EIF3H: variants seen among roughly 807,000 people sequenced by gnomAD.
The protein encoded by EIF3H is eIF-3-gamma.
In EIF3H, 26 loss-of-function variants were observed where a neutral mutation model predicts 44.2. The observed-to-expected ratio is 0.59, with a 90% confidence interval of 0.43 to 0.82. The LOEUF (loss-of-function observed/expected upper bound fraction) is 0.82, where lower values mean the gene tolerates loss of function less well. Among genes scored for constraint, EIF3H ranks in the 40% least tolerant of loss-of-function variants. The pLI, the probability that EIF3H is intolerant of heterozygous loss-of-function variation, is 0.00. For missense variants in EIF3H, 359 were observed against 432.8 expected (o/e 0.83, Z 1.51); for synonymous variants, 166 against 151.9 (o/e 1.09, Z -0.68).
intron 2 of EIF3H, among the ~76,000 whole-genome samples, chr8:116,667,997 C>A (rs1428594883): frequency 3.3e-5 from 5 of 152,172 alleles, no homozygotes; most frequent in Admixed American, 6.5e-5. Context: ...GTACCACACA[C>A]CATAAAGGTA....
At chr8:116,750,270 T>A (rs951769524) in intron 1 of EIF3H, among the ~76,000 whole-genome samples, 15 of 152,294 alleles carry the variant, frequency 9.8e-5, no homozygotes, top group Admixed American at 6.5e-4. Context: ...GTAAGTCGAT[T>A]AAGTCACATT....
intron 1 of EIF3H, among the ~76,000 whole-genome samples, chr8:116,742,131 T>C (rs1490711059): frequency 6.6e-6 from 1 of 152,172 alleles, no homozygotes; most frequent in Non-Finnish European, 1.5e-5. Flanking sequence ...ATGGGATTAG[T>C]TACAATGCTC....
intron 2 of EIF3H, among the ~76,000 whole-genome samples, chr8:116,684,614 G>GAAA (rs1288884081): frequency 6.6e-6 from 1 of 151,410 alleles, no homozygotes; most frequent in African/African-American, 2.4e-5. Flanking sequence ...TTGATGGGAA[G>GAAA]GAAAAACACA....
chr8:116,675,942 A>G (rs1813839858), intron 2 of EIF3H, among the ~76,000 whole-genome samples: 1 of 152,244 alleles, frequency 6.6e-6, no homozygotes, highest in South Asian at 2.1e-4. Context: ...TATATGAATA[A>G]GATTGTTTCA....
chr8:116,729,366 T>C (rs1216254638), intron 1 of EIF3H, among the ~76,000 whole-genome samples: 2 of 152,184 alleles, frequency 1.3e-5, no homozygotes, highest in Admixed American at 1.3e-4. Flanking sequence ...AATTAATATA[T>C]TTTAAAACAA....
At chr8:116,739,636 C>T (rs577091366) in intron 1 of EIF3H, among the ~76,000 whole-genome samples, 1 of 152,284 alleles carries the variant, frequency 6.6e-6, no homozygotes, top group African/African-American at 2.4e-5. Flanking sequence ...GGCAACAGAG[C>T]GAGACTCCGT....
At chr8:116,723,319 T>A (rs1037501598) in intron 2 of EIF3H, among the ~76,000 whole-genome samples, 1 of 152,198 alleles carries the variant, frequency 6.6e-6, no homozygotes, top group African/African-American at 2.4e-5. Context: ...CATATGTGCA[T>A]GTATAGAGAA....
upstream of EIF3H, among the ~76,000 whole-genome samples, chr8:116,757,237 C>T (rs1815464200): frequency 7.7e-6 from 1 of 129,178 alleles, no homozygotes; most frequent in African/African-American, 2.6e-5. Flanking sequence ...TTCATGTGGG[C>T]CCTCTTTATG....
intron 5 of EIF3H, among the ~76,000 whole-genome samples, chr8:116,651,557 T>C (rs1324556857): frequency 6.6e-6 from 1 of 152,230 alleles, no homozygotes; most frequent in Non-Finnish European, 1.5e-5. Flanking sequence ...AATCCCAGCC[T>C]GGCACTACCT....
rs543605604 is a variant in EIF3H at position 116,655,774 on chromosome 8, G to A, written c.707+82C>T. ...AACGTTCTTAAGTAACTGTTTTCTT[G>A]TTTCACAGGTAAAGTTTATGTGAAA... On this transcript the variant is annotated intron_variant, in intron 5 of 7. Coordinates refer to ENST00000521861, the MANE Select transcript of EIF3H (RefSeq NM_003756.3). The A allele has an allele frequency of 4.0e-5, 57 of 1,408,802 alleles. No individual in the cohort carries two copies. In the African/African-American group the frequency reaches 6.5e-4, roughly 16 times the overall value. The allele number at this position is 1,408,802 out of a possible 1,614,324, so 87.3% of individuals were successfully genotyped here. A position where few individuals can be genotyped will look rare whatever the true frequency, so the allele number is the denominator to read the frequency against.
intron 6 of EIF3H, among the ~76,000 whole-genome samples, chr8:116,647,085 CTTTTCTTTTCTTTTTTTT>C (rs1813313963): frequency 6.6e-6 from 1 of 151,516 alleles, no homozygotes; most frequent in South Asian, 2.1e-4. Flanking sequence ...GGCTTTTTTT[CTTTTCTTTTCTTTTTTTT>C]GACACAGAGT....
intron 2 of EIF3H, among the ~76,000 whole-genome samples, chr8:116,718,752 T>C (rs1338636709): frequency 1.3e-5 from 2 of 151,636 alleles, no homozygotes; most frequent in Non-Finnish European, 2.9e-5. Context: ...GGTTAAGGGT[T>C]GAAAGACTAC....
intron 1 of EIF3H, among the ~76,000 whole-genome samples, chr8:116,741,699 T>C (rs150220362): frequency 1.1e-3 from 165 of 152,340 alleles, no homozygotes; most frequent in African/African-American, 3.8e-3. Context: ...AGAACAGCTA[T>C]TACTGTAGAA....
intron 7 of EIF3H, among the ~76,000 whole-genome samples, chr8:116,646,212 G>T (rs1163869182): frequency 6.6e-6 from 1 of 152,160 alleles, no homozygotes; most frequent in Non-Finnish European, 1.5e-5. Flanking sequence ...CATGAAAAAG[G>T]ACTCATTTTA....
chr8:116,707,610 CTT>C (rs978259532), intron 2 of EIF3H, among the ~76,000 whole-genome samples: 3 of 152,086 alleles, frequency 2.0e-5, no homozygotes, highest in African/African-American at 7.2e-5. Context: ...TGAGTGTACT[CTT>C]TTACTCAATC....
intron 1 of EIF3H, among the ~76,000 whole-genome samples, chr8:116,734,634 C>T (rs921208757): frequency 6.6e-6 from 1 of 152,208 alleles, no homozygotes; most frequent in Non-Finnish European, 1.5e-5. Flanking sequence ...CAACTCACTG[C>T]AACCTCTGCC....
At chr8:116,693,094 T>A (rs1814207220) in intron 2 of EIF3H, among the ~76,000 whole-genome samples, 1 of 152,218 alleles carries the variant, frequency 6.6e-6, no homozygotes, top group South Asian at 2.1e-4. Context: ...AATAAAAATG[T>A]TATCCTTCCT....
intron 2 of EIF3H, among the ~76,000 whole-genome samples, chr8:116,679,871 C>CT (rs1563640992): frequency 2.2e-4 from 1 of 4,616 alleles, no homozygotes; most frequent in East Asian, 1.8e-3. Context: ...GGGGGGTCAG[C>CT]CCCCCGCCCG....
chr8:116,752,716 GAAAGAA>G lies in EIF3H; in HGVS notation c.132+2944_132+2949del, dbSNP rs1563662958. Among the ~76,000 whole-genome samples the G allele has an allele frequency of 2.3e-3, 297 of 126,806 alleles. 5 individuals carry two copies. Among genetic ancestry groups the G allele is most frequent in the Admixed American group, 0.012 (138 of 11,684 alleles). 83.2% of individuals were successfully genotyped at this position (126,806 alleles called of 152,430 possible). On this transcript the variant is annotated intron_variant, in intron 1 of 7. Coordinates refer to ENST00000521861, the MANE Select transcript of EIF3H (RefSeq NM_003756.3). ...AGAAAGAAAGAAAGAAAGAAAGAAA[GAAAGAA>G]AGAAAGAAAGAAGAGAAAGAAAGAA...
Sources: allele counts gnomAD v4.1 joint callset (sites outside exome capture counted in the v4.1 genomes callset), GRCh38; gene constraint gnomAD v4.1.1; transcripts MANE v1.5; gene names NCBI Gene and HGNC (gene_info 2026-07-23, HGNC 2026-07-21).